BABAM2: variants seen among roughly 807,000 people sequenced by gnomAD.
The protein encoded by BABAM2 is BRISC and BRCA1 A complex member 2.
BABAM2 carries 31 observed loss-of-function variants against 54.7 expected under a neutral mutation model. That is an observed-to-expected ratio of 0.57 (90% confidence interval 0.43 to 0.77). The LOEUF is 0.77. BABAM2 is among the 30% of genes least tolerant of loss of function. BABAM2 has a pLI of 0.00. For synonymous variants in BABAM2, 167 were observed against 162.9 expected (o/e 1.03, Z -0.19); for missense variants, 364 against 455.8 (o/e 0.80, Z 1.83).
At chr2:27,933,493 A>G (rs552890198) in intron 3 of BABAM2, among the ~76,000 whole-genome samples, 11 of 151,864 alleles carry the variant, frequency 7.2e-5, no homozygotes, top group Admixed American at 7.2e-4. Context: ...GTATATATGT[A>G]TATATATAAC....
chr2:28,194,477 C>G (rs993785711), intron 7 of BABAM2, among the ~76,000 whole-genome samples: 6 of 151,914 alleles, frequency 3.9e-5, no homozygotes, highest in Admixed American at 3.3e-4. Flanking sequence ...AAAACAGAAA[C>G]CTCTCCAAAT....
intron 6 of BABAM2, among the ~76,000 whole-genome samples, chr2:28,053,797 G>A (rs918955626): frequency 6.6e-6 from 1 of 152,110 alleles, no homozygotes; most frequent in African/African-American, 2.4e-5. Context: ...TATGGTCTCT[G>A]TCACAACTAC....
At chr2:28,004,452 T>A (rs1673807598) in intron 4 of BABAM2, among the ~76,000 whole-genome samples, 1 of 152,186 alleles carries the variant, frequency 6.6e-6, no homozygotes, top group South Asian at 2.1e-4. Context: ...GAATACAGTT[T>A]CTTGAATCTG....
intron 1 of BABAM2, 132 bp from the exon 2 acceptor site, chr2:27,894,401 C>T: frequency 1.1e-6 from 1 of 873,394 alleles, no homozygotes; most frequent in East Asian, 2.5e-5. Context: ...TTGGAAGAGG[C>T]TGCGCTAGAG....
intron 7 of BABAM2, among the ~76,000 whole-genome samples, chr2:28,152,010 A>AC (rs1672097407): frequency 1.3e-5 from 2 of 151,872 alleles, no homozygotes; most frequent in South Asian, 4.2e-4. Context: ...CTAGTTCTGC[A>AC]GGGGGCTGTT....
Position 28,281,637 on chromosome 2 carries a change from C to T in BABAM2, c.935-16701C>T, listed in dbSNP as rs114312305. On this transcript the variant is annotated intron_variant, in intron 10 of 11. Coordinates refer to ENST00000379624, the MANE Select transcript of BABAM2 (RefSeq NM_199191.3). ...GGGGAGCAGGTTGTAACTTTTATTT[C>T]GGACGTGTAGTATAATTCTTCTCCA... 8.0e-3 allele frequency among the ~76,000 whole-genome samples: 1,211 copies of T among 152,248 alleles called. 8 individuals carry two copies. The highest frequency in any genetic ancestry group is 0.025 in the African/African-American group (1,036 of 41,534).
chr2:28,043,951 C>T (rs1407622043), intron 5 of BABAM2, among the ~76,000 whole-genome samples: 2 of 152,200 alleles, frequency 1.3e-5, no homozygotes, highest in African/African-American at 2.4e-5. Flanking sequence ...CATTGGCATT[C>T]CTGGTGGCAC....
At chr2:28,136,512 A>G (rs1168021565) in intron 7 of BABAM2, among the ~76,000 whole-genome samples, 1 of 152,238 alleles carries the variant, frequency 6.6e-6, no homozygotes, top group Non-Finnish European at 1.5e-5. Flanking sequence ...CACTATGTGC[A>G]TGTTAAGGCG....
rs1690109701 is a variant in BABAM2 at position 28,322,556 on chromosome 2, C to A, written c.1089-15894C>A. Among the ~76,000 whole-genome samples, 1 of 152,244 alleles carries A rather than the reference C, an allele frequency of 6.6e-6. No homozygotes were observed. The highest frequency in any genetic ancestry group is 1.5e-5 in the Non-Finnish European group (1 of 68,042). On this transcript the variant is annotated intron_variant, in intron 11 of 11. Transcript: ENST00000379624. The surrounding 1 kb of genome is among the most constrained non-coding windows in gnomAD (Gnocchi z 4.1). ...GGCCAAGCCCTGCCTTGAACAAGAT[C>A]CTGAGGTCTCGCCCAACAGCAAGGT...
intron 3 of BABAM2, among the ~76,000 whole-genome samples, chr2:27,947,620 A>T (rs921338722): frequency 2.6e-5 from 4 of 152,070 alleles, no homozygotes; most frequent in Admixed American, 6.5e-5. Flanking sequence ...CAGATGTATG[A>T]TTTGCAAATA....
intron 6 of BABAM2, among the ~76,000 whole-genome samples, chr2:28,059,594 G>A (rs1678702126): frequency 6.6e-6 from 1 of 152,164 alleles, no homozygotes; most frequent in African/African-American, 2.4e-5. Context: ...CCATAGACCA[G>A]CAACTCACAA....
chr2:28,201,781 C>T (rs931914342), intron 7 of BABAM2, among the ~76,000 whole-genome samples: 6 of 152,212 alleles, frequency 3.9e-5, no homozygotes, highest in Non-Finnish European at 4.4e-5. Context: ...CTTATAAAGA[C>T]GCTGGCAAGA....
chr2:28,128,192 T>C (rs1205566464), intron 6 of BABAM2, among the ~76,000 whole-genome samples: 4 of 152,194 alleles, frequency 2.6e-5, no homozygotes, highest in Non-Finnish European at 5.9e-5. Context: ...TAAGGACCTA[T>C]GAACTGATCC....
chr2:27,911,644 A>G (rs915149054), intron 2 of BABAM2, among the ~76,000 whole-genome samples: 1 of 152,164 alleles, frequency 6.6e-6, no homozygotes, highest in Non-Finnish European at 1.5e-5. Context: ...ACTTCTTGAA[A>G]TGCAAATCTC....
Position 28,321,314 on chromosome 2 carries a change from T to C in BABAM2, c.1089-17136T>C, listed in dbSNP as rs574550955. Among the ~76,000 whole-genome samples the C allele has an allele frequency of 7.2e-4, 109 of 152,320 alleles. 1 individual carries two copies. Among genetic ancestry groups the C allele is most frequent in the African/African-American group, 2.1e-3 (89 of 41,568 alleles). The stretch of plus-strand genomic sequence containing the variant: ...AGATCCACATTTAAATTCAGTTTTC[T>C]CTTACTCGAAAATCCATGTTCTTCC... On this transcript the variant is annotated intron_variant, in intron 11 of 11. Transcript: ENST00000379624.
chr2:27,963,124 G>A (rs1365684763), intron 3 of BABAM2, among the ~76,000 whole-genome samples: 2 of 152,126 alleles, frequency 1.3e-5, no homozygotes, highest in East Asian at 3.8e-4. Flanking sequence ...AGAAATTGTG[G>A]ATAATGGCAG....
chr2:28,076,739 C>T (rs1468776329), intron 6 of BABAM2, among the ~76,000 whole-genome samples: 1 of 152,086 alleles, frequency 6.6e-6, no homozygotes, highest in African/African-American at 2.4e-5. Flanking sequence ...ATCTCCTGAC[C>T]TCATGATCCA....
At chr2:28,046,146 G>A (rs1677544904) in intron 6 of BABAM2, among the ~76,000 whole-genome samples, 1 of 152,184 alleles carries the variant, frequency 6.6e-6, no homozygotes, top group Non-Finnish European at 1.5e-5. Flanking sequence ...AAACACCCTA[G>A]CCACTGCCTT....
At chr2:28,135,707 C>G (rs1224572377) in intron 7 of BABAM2, among the ~76,000 whole-genome samples, 1 of 152,146 alleles carries the variant, frequency 6.6e-6, no homozygotes, top group African/African-American at 2.4e-5. Flanking sequence ...CTTCTTGGTG[C>G]CCAGGTGGTA....
Sources: gnomAD v4.1 joint callset for allele counts (sites outside exome capture counted in the v4.1 genomes callset) on GRCh38, gnomAD v4.1.1 for gene constraint, Gnocchi (gnomAD v3.1) non-coding constraint, MANE v1.5 for transcripts, NCBI Gene and HGNC (gene_info 2026-07-23, HGNC 2026-07-21) for gene names.